The following GLDC variants were observed in gnomAD, a reference collection of about 807,000 sequenced individuals.
GLDC encodes the protein glycine dehydrogenase (decarboxylating), mitochondrial.
GLDC carries 104 observed loss-of-function variants against 121.3 expected under a neutral mutation model. The ratio of observed to expected loss-of-function variants is 0.86; its 90% CI spans 0.73 to 1.01. The LOEUF (loss-of-function observed/expected upper bound fraction) is 1.01. Among genes scored for constraint, GLDC ranks in the 50% least tolerant of loss-of-function variants. GLDC has a pLI of 0.00. For missense variants in GLDC, 1,429 were observed against 1,306.6 expected (o/e 1.09, Z -1.44); for synonymous variants, 546 against 480.6 (o/e 1.14, Z -1.78).
chr9:6,638,210 T>G (rs1436913766), intron 2 of GLDC, among the ~76,000 whole-genome samples: 1 of 151,852 alleles, frequency 6.6e-6, no homozygotes, highest in African/African-American at 2.4e-5. Flanking sequence ...TTTGTTTGTT[T>G]GTTTGTTGTT....
At chr9:6,550,463 C>T (rs1817489377) in intron 21 of GLDC, among the ~76,000 whole-genome samples, 1 of 151,956 alleles carries the variant, frequency 6.6e-6, no homozygotes, top group East Asian at 1.9e-4. Flanking sequence ...CCTGTCTCTA[C>T]TAAAAATATA....
At chr9:6,641,057 A>T (rs1265067380) in intron 2 of GLDC, among the ~76,000 whole-genome samples, 1 of 152,130 alleles carries the variant, frequency 6.6e-6, no homozygotes, top group African/African-American at 2.4e-5. Flanking sequence ...CTGAATAATG[A>T]CTTACTTAGC....
chr9:6,601,767 G>A (rs552201251), intron 8 of GLDC, among the ~76,000 whole-genome samples: 2 of 152,158 alleles, frequency 1.3e-5, no homozygotes, highest in African/African-American at 2.4e-5. Context: ...TGGGACTACA[G>A]GAGCATACCA....
chr9:6,568,311 A>C (rs939675287), intron 15 of GLDC, among the ~76,000 whole-genome samples: 1 of 152,264 alleles, frequency 6.6e-6, no homozygotes, highest in Admixed American at 6.5e-5. Context: ...CATTAGTAAA[A>C]CAAATTGTTA....
chr9:6,623,867 G>A (rs1301763503), intron 2 of GLDC, among the ~76,000 whole-genome samples: 4 of 152,158 alleles, frequency 2.6e-5, no homozygotes, highest in Non-Finnish European at 5.9e-5. Flanking sequence ...TCTTCTTAGG[G>A]GCAGAATGAT....
chr9:6,609,652 C>T (rs1818809108), intron 4 of GLDC, among the ~76,000 whole-genome samples: 1 of 151,966 alleles, frequency 6.6e-6, no homozygotes, highest in South Asian at 2.1e-4. Flanking sequence ...ATCCAAAGTC[C>T]ACTCCTAATT....
chr9:6,587,947 A>C (rs1818303539), intron 14 of GLDC, among the ~76,000 whole-genome samples: 1 of 152,158 alleles, frequency 6.6e-6, no homozygotes, highest in Admixed American at 6.6e-5. Context: ...CCTAGTAGAG[A>C]TACTTGCCAA....
chr9:6,624,007 G>A (rs1359432075), intron 2 of GLDC, among the ~76,000 whole-genome samples: 1 of 152,238 alleles, frequency 6.6e-6, no homozygotes, highest in Admixed American at 6.5e-5. Context: ...ACAACAGTCT[G>A]TGAAGGGCTC....
At chr9:6,541,831 A>AAAAAAAAAAAAG (rs1378005842) in intron 21 of GLDC, 3 of 151,270 alleles carry the variant, frequency 2.0e-5, no homozygotes, top group African/African-American at 7.3e-5. Context: ...CATCTCAAAA[A>AAAAAAAAAAAAG]AAAAAAAGAA....
In GLDC at chr9:6,558,558, C is replaced by G. The variant is rs765906340; in HGVS notation, c.2052+1G>C. On this transcript the variant is annotated splice_donor_variant, in intron 17 of 24. Coordinates refer to ENST00000321612, the MANE Select transcript of GLDC (RefSeq NM_000170.3). LOFTEE classifies it high-confidence loss of function. The stretch of plus-strand genomic sequence containing the variant: ...CCATCTGCTAAGGAGAAGACAAGTA[C>G]CATGGCCTTGAGGTGAACTGCATCG... The G allele has an allele frequency of 6.2e-7, 1 of 1,614,086 alleles. No individual in the cohort carries two copies. The highest frequency in any genetic ancestry group is 1.3e-5 in the African/African-American group (1 of 74,930).
At chr9:6,642,795 G>T (rs769495019) in intron 2 of GLDC, among the ~76,000 whole-genome samples, 2 of 152,080 alleles carry the variant, frequency 1.3e-5, no homozygotes, top group Non-Finnish European at 2.9e-5. Context: ...CTCAGGAAGG[G>T]ATTCACTTGT....
chr9:6,594,707 G>C (rs1818453868), intron 9 of GLDC, among the ~76,000 whole-genome samples: 1 of 151,320 alleles, frequency 6.6e-6, no homozygotes, highest in Non-Finnish European at 1.5e-5. Flanking sequence ...AAGGAAGCAA[G>C]CAAGCAAGCA....
chr9:6,572,511 T>C (rs2129782976), intron 15 of GLDC, among the ~76,000 whole-genome samples: 1 of 152,108 alleles, frequency 6.6e-6, no homozygotes, highest in African/African-American at 2.4e-5. Flanking sequence ...GGTCCTACAC[T>C]CCCCTATGAA....
At chr9:6,631,242 C>A (rs1819371321) in intron 2 of GLDC, among the ~76,000 whole-genome samples, 1 of 152,212 alleles carries the variant, frequency 6.6e-6, no homozygotes, top group Non-Finnish European at 1.5e-5. Flanking sequence ...GGTTACCGCT[C>A]TCCTCAGGAC....
intron 17 of GLDC, 62 bp downstream of exon 17, chr9:6,558,497 C>T (rs554323142): frequency 1.3e-6 from 2 of 1,584,172 alleles, no homozygotes; most frequent in Non-Finnish European, 1.7e-6. Flanking sequence ...CCATCAAGTC[C>T]CTGATCCCCA....
intron 7 of GLDC, 24 bp downstream of exon 7, chr9:6,604,564 G>A (rs369192361): frequency 4.0e-5 from 64 of 1,580,738 alleles, no homozygotes; most frequent in Non-Finnish European, 5.3e-5. Context: ...CACAATAAAA[G>A]TAGAGAAACA....
At chr9:6,630,823 C>T (rs1819360245) in intron 2 of GLDC, among the ~76,000 whole-genome samples, 1 of 152,108 alleles carries the variant, frequency 6.6e-6, no homozygotes, top group Non-Finnish European at 1.5e-5. Context: ...GATCCTTTCC[C>T]CAACATCACC....
chr9:6,533,949 A>G lies in GLDC; in HGVS notation c.2919+759T>C, dbSNP rs1462191816. On this transcript the variant is annotated intron_variant, in intron 24 of 24. Transcript: ENST00000321612. Reference sequence around the variant, plus strand: ...AAGCATCAGCTGGGCGTGATGGCTCACGCCTGTAATCCCAGCACTTTGGGA... The same window carrying G: ...AAGCATCAGCTGGGCGTGATGGCTCGCGCCTGTAATCCCAGCACTTTGGGA... 3 of 152,026 alleles carry G rather than the reference A, an allele frequency of 2.0e-5. No individual in the cohort carries two copies. In the East Asian group the frequency reaches 5.8e-4, roughly 29 times the overall value. The allele number at this position is 152,026 out of a possible 1,614,324, so 9.4% of individuals were successfully genotyped here. A position where few individuals can be genotyped will look rare whatever the true frequency, so the allele number is the denominator to read the frequency against.
At chr9:6,631,765 T>G (rs561843071) in intron 2 of GLDC, among the ~76,000 whole-genome samples, 6 of 152,260 alleles carry the variant, frequency 3.9e-5, no homozygotes, top group Non-Finnish European at 8.8e-5. Context: ...AGATAATTTT[T>G]TATAGATCAA....
Sources: allele counts gnomAD v4.1 joint callset (sites outside exome capture counted in the v4.1 genomes callset), GRCh38; gene constraint gnomAD v4.1.1; transcripts MANE v1.5; gene names NCBI Gene and HGNC (gene_info 2026-07-23, HGNC 2026-07-21).